PTPRD: variants seen among roughly 807,000 people sequenced by gnomAD.
PTPRD encodes the protein receptor-type tyrosine-protein phosphatase delta.
PTPRD carries 34 observed loss-of-function variants against 214.5 expected under a neutral mutation model. That is an observed-to-expected ratio of 0.16 (90% CI 0.12 to 0.21). The LOEUF (loss-of-function observed/expected upper bound fraction) is 0.21. Ranked by LOEUF, PTPRD falls within the 10% of genes least tolerant of loss-of-function variation. The pLI, the probability that PTPRD is intolerant of heterozygous loss-of-function variation, is 1.00. For missense variants in PTPRD, 2,545 were observed against 2,398.7 expected, an observed-to-expected ratio of 1.06 and a Z score of -1.27; for synonymous variants, 1,128 against 845.7, an observed-to-expected ratio of 1.33 and a Z score of -5.79.
At chr9:8,875,925 C>G (rs181221158) in intron 11 of PTPRD, among the ~76,000 whole-genome samples, 31 of 152,288 alleles carry the variant, frequency 2.0e-4, no homozygotes, top group Non-Finnish European at 4.1e-4. Flanking sequence ...TGGAAAAACA[C>G]ACACACAAAC....
At chr9:9,834,264 T>C (rs2056030067) in intron 5 of PTPRD, among the ~76,000 whole-genome samples, 1 of 152,078 alleles carries the variant, frequency 6.6e-6, no homozygotes, top group South Asian at 2.1e-4. Context: ...GTACTACTAT[T>C]GGACTATGTA....
chr9:10,001,832 G>T (rs1588608293), intron 4 of PTPRD, among the ~76,000 whole-genome samples: 1 of 152,096 alleles, frequency 6.6e-6, no homozygotes, highest in African/African-American at 2.4e-5. Flanking sequence ...TCTCTAGACA[G>T]TAACTTGAGT....
At position 9,881,129 on chromosome 9, in the gene PTPRD, A is replaced by C. The variant is rs755829481; in HGVS notation, c.-368+57378T>G. ...GCAGTGAAGTGAAACTTCACTCAAT[A>C]ATTTTTTTAAAAAAATAAATTCTAT... On this transcript the variant is annotated intron_variant, in intron 5 of 45. Transcript: ENST00000381196. Among the ~76,000 whole-genome samples, 112 of 152,244 alleles carry C rather than the reference A, an allele frequency of 7.4e-4. 1 individual carries two copies. Among genetic ancestry groups the C allele is most frequent in the Non-Finnish European group, 1.2e-3 (85 of 68,004 alleles).
chr9:10,289,311 A>T (rs1273283607), intron 3 of PTPRD, among the ~76,000 whole-genome samples: 1 of 152,110 alleles, frequency 6.6e-6, no homozygotes, highest in Non-Finnish European at 1.5e-5. Flanking sequence ...CAACTTTTAC[A>T]CTTTTGTTTC....
chr9:8,926,956 T>C (rs1897676), intron 11 of PTPRD, among the ~76,000 whole-genome samples: 75,359 of 151,936 alleles, frequency 0.5, 19,349 homozygotes, highest in East Asian at 0.81. Flanking sequence ...CATTTCTTTC[T>C]TTTAGAGTGT....
chr9:10,183,216 G>T (rs1053778028), intron 3 of PTPRD, among the ~76,000 whole-genome samples: 7 of 152,020 alleles, frequency 4.6e-5, no homozygotes, highest in African/African-American at 1.7e-4. Context: ...ATCCATGAAT[G>T]GAGAGGAGAT....
At chr9:10,187,820 T>TC (rs558857624) in intron 3 of PTPRD, among the ~76,000 whole-genome samples, 148 of 152,278 alleles carry the variant, frequency 9.7e-4, no homozygotes, top group African/African-American at 3.5e-3. Context: ...GTGGCAAAGG[T>TC]CCCCCACCTG....
intron 4 of PTPRD, among the ~76,000 whole-genome samples, chr9:9,977,234 G>T (rs939510263): frequency 4.6e-5 from 7 of 152,108 alleles, no homozygotes; most frequent in African/African-American, 7.2e-5. Flanking sequence ...CACACTGGGA[G>T]GTCTAAAGTA....
At chr9:10,604,348 A>G (rs1407310568) in intron 2 of PTPRD, among the ~76,000 whole-genome samples, 1 of 151,892 alleles carries the variant, frequency 6.6e-6, no homozygotes, top group Admixed American at 6.6e-5. Context: ...GTAATACTTC[A>G]AAAAGCCAGT....
Position 9,012,135 on chromosome 9 carries a change from T to G in PTPRD, c.-104+6562A>C, listed in dbSNP as rs112545536. 5.4e-3 allele frequency among the ~76,000 whole-genome samples: 823 copies of G among 151,938 alleles called. 8 individuals carry two copies. Among genetic ancestry groups the G allele is most frequent in the African/African-American group, 0.018 (763 of 41,450 alleles). ...TTCAGGCAGCTCCTGGAGCTGAGAG[T>G]AGCCTCTAGCCAACAGCCAAAGCCA... On this transcript the variant is annotated intron_variant, in intron 11 of 45. Transcript: ENST00000381196.
chr9:8,572,969 T>C (rs2091545923), intron 14 of PTPRD, among the ~76,000 whole-genome samples: 1 of 152,056 alleles, frequency 6.6e-6, no homozygotes, highest in African/African-American at 2.4e-5. Flanking sequence ...TTTTAACTTC[T>C]TATTCTGGTA....
chr9:10,453,400 A>C (rs1176597930), intron 2 of PTPRD, among the ~76,000 whole-genome samples: 1 of 151,696 alleles, frequency 6.6e-6, no homozygotes, highest in South Asian at 2.1e-4. Flanking sequence ...CACATTGGAT[A>C]GTATAGATAT....
chr9:8,646,753 C>A (rs1012357591), intron 12 of PTPRD, among the ~76,000 whole-genome samples: 1 of 152,146 alleles, frequency 6.6e-6, no homozygotes, highest in East Asian at 1.9e-4. Flanking sequence ...TCCCCTTTCA[C>A]ATTCATAGAA....
At chr9:10,577,033 T>C (rs929736067) in intron 2 of PTPRD, among the ~76,000 whole-genome samples, 3 of 152,130 alleles carry the variant, frequency 2.0e-5, no homozygotes, top group African/African-American at 7.2e-5. Flanking sequence ...AAGAAATAAA[T>C]TGTTCTTTAA....
chr9:10,539,968 A>C (rs2135223913), intron 2 of PTPRD, among the ~76,000 whole-genome samples: 1 of 152,320 alleles, frequency 6.6e-6, no homozygotes, highest in East Asian at 1.9e-4. Context: ...CTTCTCTGGA[A>C]TTCTTCTTTG....
chr9:9,444,565 G>A (rs564560042), intron 8 of PTPRD, among the ~76,000 whole-genome samples: 1 of 152,188 alleles, frequency 6.6e-6, no homozygotes, highest in South Asian at 2.1e-4. Context: ...TGTTTTTATG[G>A]ATATGATAAC....
At chr9:10,560,423 G>T (rs963001980) in intron 2 of PTPRD, among the ~76,000 whole-genome samples, 2 of 151,976 alleles carry the variant, frequency 1.3e-5, no homozygotes, top group African/African-American at 4.8e-5. Context: ...TGGGGGGAGT[G>T]GGGAGGGATA....
chr9:9,375,516 A>C (rs199573609), intron 9 of PTPRD, among the ~76,000 whole-genome samples: 1 of 152,126 alleles, frequency 6.6e-6, no homozygotes, highest in East Asian at 1.9e-4. Flanking sequence ...GAATCACTTG[A>C]ACCTGGGAGG....
At chr9:8,623,329 C>T (rs2095880042) in intron 14 of PTPRD, among the ~76,000 whole-genome samples, 1 of 151,850 alleles carries the variant, frequency 6.6e-6, no homozygotes, top group South Asian at 2.1e-4. Flanking sequence ...TAAGTATACT[C>T]CCCTATCACT....
Sources: gnomAD v4.1 joint callset for allele counts (sites outside exome capture counted in the v4.1 genomes callset) on GRCh38, gnomAD v4.1.1 for gene constraint, MANE v1.5 for transcripts, NCBI Gene and HGNC (gene_info 2026-07-23, HGNC 2026-07-21) for gene names.